The following RASGRP3 variants were observed in gnomAD, a reference collection of about 807,000 sequenced individuals.
RASGRP3 encodes ras guanyl-releasing protein 3.
Under a neutral mutation model 82.7 loss-of-function variants are expected in RASGRP3, and 54 were observed. The ratio of observed to expected loss-of-function variants is 0.65; its 90% confidence interval spans 0.52 to 0.82. RASGRP3 has a LOEUF of 0.82. Among genes scored for constraint, RASGRP3 ranks in the 40% least tolerant of loss-of-function variants. The pLI is 0.00. For missense variants in RASGRP3, 861 were observed against 828.9 expected (o/e 1.04, Z -0.48); for synonymous variants, 309 against 300.5 (o/e 1.03, Z -0.29).
chr2:33,473,252 G>A (rs865885839), upstream of RASGRP3, among the ~76,000 whole-genome samples: 2 of 152,028 alleles, frequency 1.3e-5, no homozygotes, highest in African/African-American at 2.4e-5. Flanking sequence ...GCGTGGTGGC[G>A]GGTGCCTATA....
intron 17 of RASGRP3, among the ~76,000 whole-genome samples, chr2:33,560,679 C>T (rs760939703): frequency 5.3e-4 from 80 of 152,254 alleles, no homozygotes; most frequent in Non-Finnish European, 9.4e-4. Context: ...GGTGCTGTAG[C>T]TGCCCCTGGA....
chr2:33,540,464 A>T (rs1223560884), intron 12 of RASGRP3, among the ~76,000 whole-genome samples: 1 of 145,572 alleles, frequency 6.9e-6, no homozygotes, highest in Non-Finnish European at 1.5e-5. Context: ...TAGAAGGCAG[A>T]GCTGTTCCCT....
At chr2:33,536,298 T>A (rs1262868665) in intron 11 of RASGRP3, among the ~76,000 whole-genome samples, 15 of 109,720 alleles carry the variant, frequency 1.4e-4, no homozygotes, top group Non-Finnish European at 1.9e-4. Flanking sequence ...CAAGACTCCA[T>A]CTCAAAAAAA....
In RASGRP3 at chr2:33,563,840, A is replaced by AAAT. The variant is rs1676959396; in HGVS notation, c.*1105_*1107dup. 6.6e-6 allele frequency: 1 copy of AAAT among 152,224 alleles called. No individual in the cohort carries two copies. The highest frequency in any genetic ancestry group is 2.4e-5 in the African/African-American group (1 of 41,466). 9.4% of individuals were successfully genotyped at this position (152,224 alleles called of 1,614,324 possible). The stretch of plus-strand genomic sequence containing the variant: ...TAAGCTTTTAAAATATCAATTTTTT[A>AAAT]AATAGCTCCCATTTACCCAAAATAA... On this transcript the variant is annotated 3_prime_UTR_variant, in exon 18 of 18. Transcript: ENST00000403687.
At chr2:33,468,952 G>A (rs1666883795) in intron 2 of RASGRP3, among the ~76,000 whole-genome samples, 1 of 152,096 alleles carries the variant, frequency 6.6e-6, no homozygotes, top group African/African-American at 2.4e-5. Context: ...TTCCTCCTAT[G>A]TTGTACGATT....
intron 10 of RASGRP3, 84 bp from the exon 11 acceptor site, chr2:33,534,239 C>T (rs1673379396): frequency 2.2e-6 from 2 of 903,750 alleles, no homozygotes; most frequent in South Asian, 1.4e-5. Flanking sequence ...GAACTTAAAA[C>T]ATTCAACTTG....
chr2:33,488,264 G>A (rs1019502902), intron 1 of RASGRP3, among the ~76,000 whole-genome samples: 6 of 152,202 alleles, frequency 3.9e-5, no homozygotes, highest in African/African-American at 1.4e-4. Flanking sequence ...GAATTTGAAT[G>A]TAAAGAAACT....
intron 10 of RASGRP3, among the ~76,000 whole-genome samples, chr2:33,528,565 C>G (rs765480777): frequency 3.3e-5 from 5 of 152,184 alleles, no homozygotes. Flanking sequence ...AACTGTTTTC[C>G]TTGTATGGCT....
At chr2:33,490,055 A>T (rs1026318726) in intron 1 of RASGRP3, among the ~76,000 whole-genome samples, 12 of 152,176 alleles carry the variant, frequency 7.9e-5, no homozygotes, top group Non-Finnish European at 1.6e-4. Context: ...ATTCTTTCTC[A>T]TGTTCCCTTT....
chr2:33,482,726 G>A (rs1397828641), intron 1 of RASGRP3: 1 of 152,200 alleles, frequency 6.6e-6, no homozygotes, highest in Non-Finnish European at 1.5e-5. Context: ...AGCATCATCA[G>A]AATGTTGCCA....
At chr2:33,458,520 G>C (rs72802092) in intron 2 of RASGRP3, among the ~76,000 whole-genome samples, 1 of 152,174 alleles carries the variant, frequency 6.6e-6, no homozygotes, top group Non-Finnish European at 1.5e-5. Context: ...TGGTGAAGCC[G>C]TGTAATTCAG....
intron 1 of RASGRP3, among the ~76,000 whole-genome samples, chr2:33,447,440 A>ATT (rs34967898): frequency 0.07 from 10,301 of 146,946 alleles, 571 homozygotes; most frequent in Non-Finnish European, 0.098. Flanking sequence ...GAGTGTGCAC[A>ATT]TTTTTTTTTT....
intron 2 of RASGRP3, among the ~76,000 whole-genome samples, chr2:33,463,400 GAAAGA>G (rs1306012543): frequency 1.3e-5 from 2 of 152,028 alleles, no homozygotes; most frequent in South Asian, 2.1e-4. Flanking sequence ...TTAATAAAAA[GAAAGA>G]AAAGAGAAGA....
rs1665477565 is a variant in RASGRP3 at position 33,445,951 on chromosome 2, G to A, written c.-384-1869G>A. Among the ~76,000 whole-genome samples the A allele has an allele frequency of 2.0e-5, 3 of 152,134 alleles. No individual in the cohort carries two copies. The South Asian group carries it at 6.2e-4, about 31-fold the overall frequency. On this transcript the variant is annotated intron_variant, in intron 1 of 18. Coordinates refer to the RASGRP3 transcript ENST00000402538. Reference sequence around the variant, plus strand: ...AGCAAATTTACCAACGAAAAATGAGGAAGTAAATGGAATTCTTTTTTTTAA... The same window carrying A: ...AGCAAATTTACCAACGAAAAATGAGAAAGTAAATGGAATTCTTTTTTTTAA...
intron 2 of RASGRP3, among the ~76,000 whole-genome samples, chr2:33,456,983 G>A (rs1294809660): frequency 6.8e-6 from 1 of 146,966 alleles, no homozygotes. Context: ...GCTCACTGCA[G>A]CCTCTGCCTC....
At chr2:33,534,216 A>G in intron 10 of RASGRP3, 107 bp from the exon 11 acceptor site, 1 of 733,556 alleles carries the variant, frequency 1.4e-6, no homozygotes, top group South Asian at 1.6e-5. Context: ...ATTTACTCAA[A>G]TTATTAGACA....
chr2:33,493,550 A>C (rs541202070), intron 1 of RASGRP3, among the ~76,000 whole-genome samples: 30 of 152,210 alleles, frequency 2.0e-4, no homozygotes, highest in African/African-American at 6.5e-4. Flanking sequence ...GTCAGGACCC[A>C]AGTGTTGGAG....
At chr2:33,486,908 C>G (rs959466824) in intron 1 of RASGRP3, among the ~76,000 whole-genome samples, 1 of 152,046 alleles carries the variant, frequency 6.6e-6, no homozygotes. Context: ...AGTGTTTGCC[C>G]TTCTGAAGCA....
At position 33,470,009 on chromosome 2, in the gene RASGRP3, C is replaced by T. The variant is rs568377430; in HGVS notation, c.-261+22066C>T. Among the ~76,000 whole-genome samples, 136 of 152,196 alleles carry T rather than the reference C, an allele frequency of 8.9e-4. 2 individuals carry two copies. Among genetic ancestry groups the T allele is most frequent in the Non-Finnish European group, 1.7e-3 (114 of 68,012 alleles). On this transcript the variant is annotated intron_variant, in intron 2 of 18. Transcript: ENST00000402538. ...GCTCTAGTTCTTTTGGCACTAGTAC[C>T]AAACTTTAAATTCACGTTATTTTTA...
Sources: gnomAD v4.1 joint callset for allele counts (sites outside exome capture counted in the v4.1 genomes callset) on GRCh38, gnomAD v4.1.1 for gene constraint, MANE v1.5 for transcripts, NCBI Gene and HGNC (gene_info 2026-07-23, HGNC 2026-07-21) for gene names.